PRKG1: variants seen among roughly 807,000 people sequenced by gnomAD.
The protein encoded by PRKG1 is cGMP-dependent protein kinase 1.
A neutral mutation model predicts 88.1 loss-of-function variants in PRKG1; 35 were observed. The observed-to-expected ratio is 0.40, with a 90% CI of 0.30 to 0.53. PRKG1 has a LOEUF of 0.53. Among genes scored for constraint, PRKG1 ranks in the 20% least tolerant of loss-of-function variants. PRKG1 has a pLI of 0.59. For missense variants in PRKG1, 540 were observed against 839.8 expected (o/e 0.64, Z 4.41); for synonymous variants, 303 against 292.5 (o/e 1.04, Z -0.37).
chr10:51,767,184 C>T (rs780149966), intron 3 of PRKG1, among the ~76,000 whole-genome samples: 1 of 152,102 alleles, frequency 6.6e-6, no homozygotes. Context: ...CTTCCCCATA[C>T]CACAAGATTC....
chr10:51,041,223 G>A (rs1483601858), intron 1 of PRKG1, among the ~76,000 whole-genome samples: 1 of 152,062 alleles, frequency 6.6e-6, no homozygotes, highest in African/African-American at 2.4e-5. Flanking sequence ...CAGGTAGTGG[G>A]CTCCCTTCTG....
At chr10:52,062,429 A>G in intron 6 of PRKG1, 108 bp from the exon 7 acceptor site, 1 of 654,968 alleles carries the variant, frequency 1.5e-6, no homozygotes, top group South Asian at 4.1e-5. Context: ...CTTTTTCTTT[A>G]TAAAAATAAG....
intron 2 of PRKG1, among the ~76,000 whole-genome samples, chr10:51,266,733 A>G (rs1001199319): frequency 2.6e-5 from 4 of 152,258 alleles, no homozygotes; most frequent in African/African-American, 9.6e-5. Flanking sequence ...AAAGCTGAAC[A>G]GAAAAATTGA....
chr10:51,230,671 C>G (rs912385121), intron 2 of PRKG1, among the ~76,000 whole-genome samples: 2 of 151,988 alleles, frequency 1.3e-5, no homozygotes, highest in African/African-American at 4.8e-5. Context: ...TTGCATATAA[C>G]TTATGCACAT....
At chr10:51,544,364 G>A (rs532152544) in intron 3 of PRKG1, among the ~76,000 whole-genome samples, 7 of 152,072 alleles carry the variant, frequency 4.6e-5, no homozygotes, top group Admixed American at 2.6e-4. Flanking sequence ...CTTCATCCAC[G>A]TCCCTACAAA....
chr10:51,306,513 G>A (rs1841041812), intron 2 of PRKG1: 1 of 152,190 alleles, frequency 6.6e-6, no homozygotes, highest in Admixed American at 6.5e-5. Flanking sequence ...AAATAAACAT[G>A]TCCATTCTGA....
At chr10:52,028,023 A>T (rs1845386126) in intron 5 of PRKG1, among the ~76,000 whole-genome samples, 1 of 152,148 alleles carries the variant, frequency 6.6e-6, no homozygotes, top group Non-Finnish European at 1.5e-5. Flanking sequence ...TCCTGACCTC[A>T]AATGATCCAC....
At position 51,805,160 on chromosome 10, in the gene PRKG1, G is replaced by A. The variant is rs375185219; in HGVS notation, c.698+470G>A. Among the ~76,000 whole-genome samples, 5 of 152,156 alleles carry A rather than the reference G, an allele frequency of 3.3e-5. No homozygotes were observed. The East Asian group carries it at 7.7e-4, about 23-fold the overall frequency. Reference sequence around the variant, plus strand: ...ATATGAAAGGTCAGATGACTAAGATGAAAAAGTTCCAAGAAATAGCTTATT... The same window carrying A: ...ATATGAAAGGTCAGATGACTAAGATAAAAAAGTTCCAAGAAATAGCTTATT... On this transcript the variant is annotated intron_variant, in intron 4 of 17. Coordinates refer to ENST00000373980, the MANE Select transcript of PRKG1 (RefSeq NM_006258.4).
chr10:51,857,217 T>C (rs79279251), intron 4 of PRKG1, among the ~76,000 whole-genome samples: 8,044 of 152,250 alleles, frequency 0.053, 334 homozygotes, highest in African/African-American at 0.11. Context: ...AAGAGCTAGA[T>C]AGATTAAGAA....
intron 2 of PRKG1, among the ~76,000 whole-genome samples, chr10:51,262,120 T>G (rs1181025173): frequency 1.3e-5 from 2 of 151,774 alleles, no homozygotes; most frequent in Non-Finnish European, 2.9e-5. Context: ...TCTCCTGACC[T>G]CGTGATCCGC....
intron 2 of PRKG1, among the ~76,000 whole-genome samples, chr10:51,280,597 C>T (rs1477518136): frequency 3.3e-5 from 5 of 152,130 alleles, no homozygotes; most frequent in Non-Finnish European, 7.4e-5. Context: ...CTAAACTTCT[C>T]GCTTCATTTC....
In PRKG1 at chr10:51,435,449, A is replaced by G. The variant is rs1423213866; in HGVS notation, c.479-32274A>G. 2.0e-5 allele frequency among the ~76,000 whole-genome samples: 3 copies of G among 151,220 alleles called. No homozygotes were observed. In the East Asian group the frequency reaches 5.9e-4, roughly 30 times the overall value. ...ACATATATATATATATATATGTCATATGACATATATATATATATGGCAAAA... is the reference window on the plus strand; with the variant it reads ...ACATATATATATATATATATGTCATGTGACATATATATATATATGGCAAAA... On this transcript the variant is annotated intron_variant, in intron 2 of 17. Coordinates refer to ENST00000373980, the MANE Select transcript of PRKG1 (RefSeq NM_006258.4).
chr10:51,166,208 C>A (rs1846534295), intron 2 of PRKG1, among the ~76,000 whole-genome samples: 3 of 150,216 alleles, frequency 2.0e-5, no homozygotes, highest in African/African-American at 2.4e-5. Context: ...CAATTTAAAG[C>A]CACTTAAAAA....
At chr10:51,695,339 GCT>G (rs1353998254) in intron 3 of PRKG1, 1 of 152,100 alleles carries the variant, frequency 6.6e-6, no homozygotes, top group Non-Finnish European at 1.5e-5. Context: ...ATAGATAATG[GCT>G]CTAAGTGAGT....
chr10:51,530,285 G>A (rs1158827765), intron 3 of PRKG1, among the ~76,000 whole-genome samples: 16 of 152,038 alleles, frequency 1.1e-4, no homozygotes, highest in Non-Finnish European at 2.9e-5. Flanking sequence ...AACAATGTTA[G>A]CATTTTGTAA....
chr10:51,461,391 T>G (rs1047129154), intron 2 of PRKG1, among the ~76,000 whole-genome samples: 1 of 152,210 alleles, frequency 6.6e-6, no homozygotes, highest in Non-Finnish European at 1.5e-5. Context: ...CATGATGGTC[T>G]TAGAAACTAT....
chr10:51,714,979 A>G (rs555525130), intron 3 of PRKG1, among the ~76,000 whole-genome samples: 2 of 152,190 alleles, frequency 1.3e-5, no homozygotes, highest in Admixed American at 1.3e-4. Flanking sequence ...GGGACAGGAC[A>G]GTGTTACCGT....
At chr10:51,332,732 C>A (rs568919389) in intron 2 of PRKG1, among the ~76,000 whole-genome samples, 1 of 152,280 alleles carries the variant, frequency 6.6e-6, no homozygotes, top group South Asian at 2.1e-4. Context: ...CATACCATCT[C>A]ACTGGCCTCA....
chr10:51,802,538 G>C (rs989099435), intron 3 of PRKG1, among the ~76,000 whole-genome samples: 1 of 152,050 alleles, frequency 6.6e-6, no homozygotes, highest in Non-Finnish European at 1.5e-5. Flanking sequence ...ATTATTTTGT[G>C]GGTTTTTGCA....
Sources: gnomAD v4.1 joint callset for allele counts (sites outside exome capture counted in the v4.1 genomes callset) on GRCh38, gnomAD v4.1.1 for gene constraint, MANE v1.5 for transcripts, NCBI Gene and HGNC (gene_info 2026-07-23, HGNC 2026-07-21) for gene names.